The following PHKA2 variants were observed in gnomAD, a reference collection of about 807,000 sequenced individuals.
The protein encoded by PHKA2 is phosphorylase b kinase regulatory subunit alpha, liver isoform.
Under a neutral mutation model 102.0 loss-of-function variants are expected in PHKA2, and 31 were observed. That is an observed-to-expected ratio of 0.30 (90% CI 0.23 to 0.41). PHKA2 has a LOEUF of 0.41. Among genes scored for constraint, PHKA2 ranks in the 10% least tolerant of loss-of-function variants. The pLI is 1.00. For synonymous variants in PHKA2, 455 were observed against 416.2 expected (o/e 1.09, Z -1.13); for missense variants, 858 against 1,023.1 (o/e 0.84, Z 2.20).
chrX:18,931,633 GC>G lies in PHKA2; in HGVS notation c.1245+7del. ...GGTTTCCAGTCTGTGAGGCCACTAA[GC>G]CCCTACCTCTGCCAACAGCGAGCTG... On this transcript the variant is annotated splice_region_variant and intron_variant, in intron 12 of 32. Transcript: ENST00000379942. 1.7e-6 allele frequency: 2 copies of G among 1,156,821 alleles called. No individual in the cohort carries two copies. The highest frequency in any genetic ancestry group is 2.4e-6 in the Non-Finnish European group (2 of 845,544).
intron 19 of PHKA2, among the ~76,000 whole-genome samples, chrX:18,918,361 C>T (rs1202307021): frequency 8.9e-6 from 1 of 112,188 alleles, no homozygotes; most frequent in Non-Finnish European, 1.9e-5. Flanking sequence ...AACTTTAACC[C>T]CTTGGTGGGT....
chrX:18,957,307 T>A (rs2048792337), intron 1 of PHKA2, among the ~76,000 whole-genome samples: 1 of 112,303 alleles, frequency 8.9e-6, no homozygotes, highest in East Asian at 2.8e-4. Flanking sequence ...CACTTACTGA[T>A]GCTTATGAAC....
chrX:18,906,423 T>G, intron 25 of PHKA2, 72 bp downstream of exon 25: 5 of 1,169,766 alleles, frequency 4.3e-6, no homozygotes, highest in Non-Finnish European at 5.8e-6. Flanking sequence ...GTTCTTCCCC[T>G]GAGAGTGGAG....
chrX:18,958,918 C>A (rs188441106), intron 1 of PHKA2, among the ~76,000 whole-genome samples: 69 of 112,036 alleles, frequency 6.2e-4, no homozygotes, highest in Non-Finnish European at 1.1e-3. Flanking sequence ...CCATGTTGGT[C>A]AGGCTGGTCT....
intron 32 of PHKA2, among the ~76,000 whole-genome samples, chrX:18,893,873 C>T (rs1018202191): frequency 1.8e-5 from 2 of 112,363 alleles, no homozygotes; most frequent in African/African-American, 3.2e-5. Flanking sequence ...TCTGTTATCA[C>T]GCACCCTAGT....
chrX:18,913,185 C>G (rs1459734584), intron 19 of PHKA2, among the ~76,000 whole-genome samples: 1 of 110,995 alleles, frequency 9.0e-6, no homozygotes, highest in Non-Finnish European at 1.9e-5. Context: ...CTCTGGGTGA[C>G]TGGGTGAGTG....
chrX:18,936,064 C>G lies in PHKA2; in HGVS notation c.1128G>C (p.Pro376=). The change falls in exon 11 of 33, where the codon CCG becomes CCC. Residue 376 remains proline, a synonymous_variant. Transcript: ENST00000379942. ...IRLVPELYAV[P]PNKVDEEYKN... is the part of the protein sequence containing the mutation. The stretch of plus-strand genomic sequence containing the variant: ...TCTGCCACTGGGTTACCTTGTTAGG[C>G]GGGACAGCGTAGAGTTCAGGCACCA... The G allele has an allele frequency of 8.3e-7, 1 of 1,199,919 alleles. No homozygotes were observed. Among genetic ancestry groups the G allele is most frequent in the Non-Finnish European group, 1.1e-6 (1 of 885,026 alleles).
At position 18,954,130 on chromosome X, in the gene PHKA2, T is replaced by C. The variant is rs987755000; in HGVS notation, c.237+124A>G. Reference sequence around the variant, plus strand: ...CTAAGTACCTCCCCAAAATATTCTATAGCAGAAATAGAGGAGAGGCCTACA... The same window carrying C: ...CTAAGTACCTCCCCAAAATATTCTACAGCAGAAATAGAGGAGAGGCCTACA... On this transcript the variant is annotated intron_variant, in intron 2 of 32. Coordinates refer to ENST00000379942, the MANE Select transcript of PHKA2 (RefSeq NM_000292.3). The C allele has an allele frequency of 9.2e-6, 6 of 654,550 alleles. No individual in the cohort carries two copies. In the South Asian group the frequency reaches 9.7e-5, roughly 11 times the overall value. 53.9% of individuals were successfully genotyped at this position (654,550 alleles called of 1,213,427 possible).
chrX:18,906,439 G>A (rs2047812160), intron 25 of PHKA2, 56 bp downstream of exon 25: 2 of 1,201,205 alleles, frequency 1.7e-6, no homozygotes, highest in African/African-American at 1.7e-5. Context: ...TGGAGGCCGT[G>A]GCCGGGTGGT....
chrX:18,971,820 C>T (rs1383935691), intron 1 of PHKA2, among the ~76,000 whole-genome samples: 1 of 112,611 alleles, frequency 8.9e-6, no homozygotes, highest in Non-Finnish European at 1.9e-5. Flanking sequence ...CAAAGCCTCT[C>T]ATAAAGTTTC....
Position 18,897,347 on chromosome X carries a change from A to C in PHKA2, c.3112-14T>G. ...GGTGCTGGACCTCTGCAAGACAGAC[A>C]GCTTGGGGCCTCAGAAGCCACGCAG... On this transcript the variant is annotated splice_polypyrimidine_tract_variant and intron_variant, in intron 29 of 32. Transcript: ENST00000379942. 1 of 1,198,823 alleles carries C rather than the reference A, an allele frequency of 8.3e-7. No homozygotes were observed.
At chrX:18,943,420 T>C (rs1211922052) in intron 7 of PHKA2, among the ~76,000 whole-genome samples, 1 of 112,446 alleles carries the variant, frequency 8.9e-6, no homozygotes, top group African/African-American at 3.2e-5. Flanking sequence ...TAAAACAGAC[T>C]TTGCCTCTTG....
At chrX:18,943,671 C>G (rs372291368) in intron 7 of PHKA2, 39 bp downstream of exon 7, 39 of 1,042,316 alleles carry the variant, frequency 3.7e-5, no homozygotes, top group Non-Finnish European at 5.0e-5. Context: ...CATGCCAGGA[C>G]TCTCCTTCCC....
At chrX:18,909,869 G>A (rs112333259) in intron 20 of PHKA2, among the ~76,000 whole-genome samples, 1,568 of 112,037 alleles carry the variant, frequency 0.014, 24 homozygotes, top group African/African-American at 0.048. Context: ...GTGACCTCTC[G>A]CTTCTCTATT....
At chrX:18,907,145 T>C (rs1461388199) in intron 22 of PHKA2, 48 bp from the exon 23 acceptor site, 5 of 934,507 alleles carry the variant, frequency 5.4e-6, no homozygotes, top group Non-Finnish European at 7.6e-6. Flanking sequence ...AGAGAGATAC[T>C]GGCAAAGACG....
chrX:18,904,940 G>A (rs1471155828), intron 26 of PHKA2, among the ~76,000 whole-genome samples: 1 of 111,718 alleles, frequency 9.0e-6, no homozygotes, highest in East Asian at 2.8e-4. Context: ...GGGTGATTAT[G>A]TTTCCCAGCA....
chrX:18,936,303 C>G (rs937018443), intron 10 of PHKA2, among the ~76,000 whole-genome samples, 153 bp from the exon 11 acceptor site: 3 of 111,877 alleles, frequency 2.7e-5, no homozygotes, highest in African/African-American at 9.8e-5. Context: ...TCCAGGAGTG[C>G]AGGAGGCACA....
Position 18,916,832 on chromosome X carries a change from A to G in PHKA2, c.2137+1849T>C, listed in dbSNP as rs149670345. On this transcript the variant is annotated intron_variant, in intron 19 of 32. Transcript: ENST00000379942. ...GACCTCTTTTCTTTATAAATTACCC[A>G]GTCTCAGGTATTTCTTTATGGCAAT... Among the ~76,000 whole-genome samples the G allele has an allele frequency of 6.4e-3, 710 of 110,757 alleles. 5 individuals carry two copies. Among genetic ancestry groups the G allele is most frequent in the African/African-American group, 0.021 (652 of 30,426 alleles).
At position 18,954,300 on chromosome X, in the gene PHKA2, T is replaced by C. The variant is rs1569328189; in HGVS notation, c.191A>G (p.Asn64Ser). 3 of 1,211,906 alleles carry C rather than the reference T, an allele frequency of 2.5e-6. No homozygotes were observed. The highest frequency in any genetic ancestry group is 3.4e-6 in the Non-Finnish European group (3 of 895,376). The change falls in exon 2 of 33, where the codon AAT becomes AGT. Residue 64 changes from asparagine (N) to serine (S), a missense_variant. Coordinates refer to ENST00000379942, the MANE Select transcript of PHKA2 (RefSeq NM_000292.3). The part of the protein sequence containing the change: ...VWGLGMAYRK[N>S]ADRDEDKAKA... ...GGCCTTGTCCTCATCGCGGTCTGCA[T>C]TCTTACGGTAGGCCATGCCCAGGCC...
Sources: gnomAD v4.1 joint callset for allele counts (sites outside exome capture counted in the v4.1 genomes callset) on GRCh38, gnomAD v4.1.1 for gene constraint, MANE v1.5 for transcripts, NCBI Gene and HGNC (gene_info 2026-07-23, HGNC 2026-07-21) for gene names.